Variants in EHD1 observed in about 807,000 individuals in gnomAD.
EHD1 encodes the protein EH domain containing 1, also known as EH domain-containing protein 1.
EHD1 carries 19 observed loss-of-function variants against 39.0 expected under a neutral mutation model. The ratio of observed to expected loss-of-function variants is 0.49; its 90% confidence interval spans 0.34 to 0.72. The LOEUF (loss-of-function observed/expected upper bound fraction) is 0.72, where lower values mean the gene tolerates loss of function less well. EHD1 is among the 30% of genes least tolerant of loss of function. The pLI is 0.01. For missense variants in EHD1, 542 were observed against 751.5 expected (o/e 0.72, Z 3.26); for synonymous variants, 323 against 331.2 (o/e 0.98, Z 0.27).
intron 2 of EHD1, among the ~76,000 whole-genome samples, chr11:64,870,868 A>G (rs568855351): frequency 6.6e-6 from 1 of 152,182 alleles, no homozygotes; most frequent in Non-Finnish European, 1.5e-5. Flanking sequence ...CTGACACAGG[A>G]GAACGGTATC....
In EHD1 at chr11:64,878,456, G is replaced by C. The variant is rs1178528796; in HGVS notation, c.9C>G (p.Ser3Arg). The C allele has an allele frequency of 1.9e-6, 3 of 1,606,336 alleles. No individual in the cohort carries two copies. The highest frequency in any genetic ancestry group is 2.5e-6 in the Non-Finnish European group (3 of 1,176,536). MFSWVSKDARRKK... is the reference protein window; with the variant it reads MFRWVSKDARRKK... The stretch of plus-strand genomic sequence containing the variant: ...TGCGGCGGGCATCCTTGCTGACCCA[G>C]CTGAACATACTGCCGGACACGGGGC... Residue 3 changes from serine to arginine, a missense_variant, in exon 1 of 5, where the codon AGC (serine) becomes AGG (arginine). By Grantham distance (110) the Ser-to-Arg change is moderately radical. Coordinates refer to ENST00000320631, the MANE Select transcript of EHD1 (RefSeq NM_006795.4).
rs370832490 is a variant in EHD1, at chr11:64,855,305, C to T, written c.1080+17G>A. 10 of 1,611,776 alleles carry T rather than the reference C, an allele frequency of 6.2e-6. No individual in the cohort carries two copies. Among genetic ancestry groups the T allele is most frequent in the Non-Finnish European group, 7.6e-6 (9 of 1,179,254 alleles). ...CTGATGGCCACCAGCCTGCATGGGG[C>T]CTCGGGACAGCCGTACCTGCATCTT... On this transcript the variant is annotated intron_variant, in intron 4 of 4. Coordinates refer to ENST00000320631, the MANE Select transcript of EHD1 (RefSeq NM_006795.4).
chr11:64,862,133 G>C (rs56326606), intron 2 of EHD1, among the ~76,000 whole-genome samples: 10,252 of 152,154 alleles, frequency 0.067, 486 homozygotes, highest in African/African-American at 0.13. Context: ...ATGCTGAACT[G>C]CTGGGCTCAG....
At chr11:64,860,763 TG>T (rs1178992850) in intron 2 of EHD1, among the ~76,000 whole-genome samples, 4 of 149,448 alleles carry the variant, frequency 2.7e-5, no homozygotes, top group African/African-American at 9.9e-5. Context: ...GGCTCACACC[TG>T]TAATCCCGAC....
At chr11:64,874,937 C>T (rs534705599) in intron 1 of EHD1, among the ~76,000 whole-genome samples, 48 of 152,334 alleles carry the variant, frequency 3.2e-4, no homozygotes, top group Admixed American at 2.3e-3. Context: ...GAGAGCTGGC[C>T]GCTTCCTACT....
chr11:64,876,551 G>A (rs1275914115), intron 1 of EHD1, among the ~76,000 whole-genome samples: 1 of 152,248 alleles, frequency 6.6e-6, no homozygotes, highest in Non-Finnish European at 1.5e-5. Context: ...GGTAGAAGCA[G>A]CAGAAAGCAG....
intron 2 of EHD1, among the ~76,000 whole-genome samples, chr11:64,865,723 AT>A (rs1373627193): frequency 1.3e-5 from 2 of 152,224 alleles, no homozygotes; most frequent in Non-Finnish European, 2.9e-5. Context: ...TTTTCCAAAG[AT>A]GACACACACG....
At chr11:64,878,632 C>A (rs1012202107), upstream of EHD1, 14 of 1,408,178 alleles carry the variant, frequency 9.9e-6, no homozygotes, top group Non-Finnish European at 1.3e-5. Flanking sequence ...GCTGCGCACC[C>A]CTCGCGGAGC....
At position 64,852,869 on chromosome 11, in the gene EHD1, G is replaced by A. The variant is rs1943596608; in HGVS notation, c.*1464C>T. On this transcript the variant is annotated 3_prime_UTR_variant, in exon 5 of 5. Coordinates refer to ENST00000320631, the MANE Select transcript of EHD1 (RefSeq NM_006795.4). ...CATCCATCCTCACCTAATACTGTATGGAGTGACGGGCTAAGGAGAACAAGG... is the reference window on the plus strand; with the variant it reads ...CATCCATCCTCACCTAATACTGTATAGAGTGACGGGCTAAGGAGAACAAGG... The A allele has an allele frequency of 6.6e-6, 1 of 152,488 alleles. No individual in the cohort carries two copies. Among genetic ancestry groups the A allele is most frequent in the Admixed American group, 6.5e-5 (1 of 15,282 alleles). The allele number at this position is 152,488 out of a possible 1,614,324, so 9.4% of individuals were successfully genotyped here. A position where few individuals can be genotyped will look rare whatever the true frequency, so the allele number is the denominator to read the frequency against.
chr11:64,855,045 T>C, intron 4 of EHD1, 188 bp from the exon 5 acceptor site: 4 of 868,822 alleles, frequency 4.6e-6, no homozygotes, highest in Non-Finnish European at 6.9e-6. Context: ...AGCTCTTTCC[T>C]TGCAGGGCTG....
At chr11:64,869,894 G>C (rs1943809504) in intron 2 of EHD1, among the ~76,000 whole-genome samples, 1 of 152,216 alleles carries the variant, frequency 6.6e-6, no homozygotes, top group South Asian at 2.1e-4. Context: ...CCACGGCGCA[G>C]GCCTGCCTCT....
Position 64,878,158 on chromosome 11 carries a change from C to T in EHD1, c.307G>A (p.Gly103Ser), listed in dbSNP as rs937096645. 6.2e-7 allele frequency: 1 copy of T among 1,600,568 alleles called. No individual in the cohort carries two copies. The highest frequency in any genetic ancestry group is 8.5e-7 in the Non-Finnish European group (1 of 1,169,604). ...TTDSFIAVMH[G>S]PTEGVVPGNA... is the part of the protein sequence containing the mutation. The stretch of plus-strand genomic sequence containing the variant: ...CCCGGCACCACGCCCTCAGTGGGGC[C>T]GTGCATGACGGCGATGAAGGAGTCG... The change falls in exon 1 of 5, where the codon GGC becomes AGC. Residue 103 changes from glycine (G) to serine (S), a missense_variant. Transcript: ENST00000320631.
At chr11:64,858,940 T>TGG (rs1438713271) in intron 3 of EHD1, among the ~76,000 whole-genome samples, 1 of 152,196 alleles carries the variant, frequency 6.6e-6, no homozygotes, top group East Asian at 1.9e-4. Flanking sequence ...AGCGTGACCT[T>TGG]GGCTTCCATG....
chr11:64,866,878 C>A (rs971069074), intron 2 of EHD1, among the ~76,000 whole-genome samples: 1 of 151,956 alleles, frequency 6.6e-6, no homozygotes, highest in Admixed American at 6.6e-5. Context: ...ATTCCACTGA[C>A]AGGAGATACC....
intron 4 of EHD1, 44 bp downstream of exon 4, chr11:64,855,278 C>T (rs773502281): frequency 3.1e-6 from 5 of 1,602,702 alleles, no homozygotes; most frequent in Non-Finnish European, 4.3e-6. Flanking sequence ...CTTCCTTCTG[C>T]CCTGATGGCC....
intron 2 of EHD1, among the ~76,000 whole-genome samples, chr11:64,862,844 A>G (rs1387416855): frequency 6.6e-6 from 1 of 152,188 alleles, no homozygotes; most frequent in African/African-American, 2.4e-5. Context: ...ACTGCATTCC[A>G]GCCTGGGCGA....
chr11:64,874,415 G>T lies in EHD1; in HGVS notation c.502+6C>A. Reference sequence around the variant, plus strand: ...AGCAGCCCGAGCTGTGGTCACAGCTGTTTACCTCTGCTGATCCGCTGCTTC... The same window carrying T: ...AGCAGCCCGAGCTGTGGTCACAGCTTTTTACCTCTGCTGATCCGCTGCTTC... On this transcript the variant is annotated splice_donor_region_variant and intron_variant, in intron 2 of 4. Coordinates refer to ENST00000320631, the MANE Select transcript of EHD1 (RefSeq NM_006795.4). The T allele has an allele frequency of 6.3e-7, 1 of 1,588,358 alleles. No homozygotes were observed. The highest frequency in any genetic ancestry group is 8.6e-7 in the Non-Finnish European group (1 of 1,167,464).
At chr11:64,876,779 C>T (rs1943889475) in intron 1 of EHD1, among the ~76,000 whole-genome samples, 1 of 152,240 alleles carries the variant, frequency 6.6e-6, no homozygotes, top group Admixed American at 6.5e-5. Context: ...TGTGCCCTCA[C>T]AAGGAAAGTG....
At chr11:64,876,801 G>A (rs992908232) in intron 1 of EHD1, among the ~76,000 whole-genome samples, 1 of 152,246 alleles carries the variant, frequency 6.6e-6, no homozygotes, top group African/African-American at 2.4e-5. Context: ...AGAGGACTCC[G>A]CCTCTTCAGG....
Sources: allele counts gnomAD v4.1 joint callset (sites outside exome capture counted in the v4.1 genomes callset), GRCh38; gene constraint gnomAD v4.1.1; transcripts MANE v1.5; gene names NCBI Gene and HGNC (gene_info 2026-07-23, HGNC 2026-07-21).